The following SECISBP2 variants were observed in gnomAD, a reference collection of about 807,000 sequenced individuals.
The protein encoded by SECISBP2 is selenocysteine insertion sequence-binding protein 2.
In SECISBP2, 96 loss-of-function variants were observed where a neutral mutation model predicts 98.2. The ratio of observed to expected loss-of-function variants is 0.98; its 90% CI spans 0.83 to 1.16. SECISBP2 has a LOEUF of 1.16. Ranked by LOEUF, SECISBP2 falls within the 50% of genes most tolerant of loss-of-function variation. The pLI is 0.00. For synonymous variants in SECISBP2, 407 were observed against 370.2 expected (o/e 1.10, Z -1.14); for missense variants, 1,046 against 1,022.9 (o/e 1.02, Z -0.31).
At position 89,341,401 on chromosome 9, in the gene SECISBP2, G is replaced by C. The variant is rs756923892; in HGVS notation, c.1357G>C (p.Gly453Arg). 1.9e-6 allele frequency: 3 copies of C among 1,613,862 alleles called. No homozygotes were observed. Among genetic ancestry groups the C allele is most frequent in the African/African-American group, 1.3e-5 (1 of 74,884 alleles). The change falls in exon 10 of 17, where the codon GGG (glycine) becomes CGG (arginine). Residue 453 changes from glycine to arginine, a missense_variant. Coordinates refer to ENST00000375807, the MANE Select transcript of SECISBP2 (RefSeq NM_024077.5). ...KSQLPVQLDL[G>R]GMLTALEKKQ... ...CCAGCTTCCAGTGCAGTTGGACTTG[G>C]GGGGCATGCTGACAGCCCTGGAGAA...
At chr9:89,332,565 T>G (rs535717189) in intron 5 of SECISBP2, 4 of 339,546 alleles carry the variant, frequency 1.2e-5, no homozygotes, top group Non-Finnish European at 2.2e-5. Context: ...GTTGGAATCA[T>G]ATAGTATGTA....
downstream of SECISBP2, chr9:89,363,788 G>A (rs1833136259): frequency 6.2e-7 from 1 of 1,613,912 alleles, no homozygotes; most frequent in Non-Finnish European, 8.5e-7. Flanking sequence ...GTTCCCTGCT[G>A]AGGAGAGGAC....
At chr9:89,318,974 C>T (rs1230666035) in intron 1 of SECISBP2, 3 of 1,087,390 alleles carry the variant, frequency 2.8e-6, no homozygotes, top group Non-Finnish European at 3.3e-6. Flanking sequence ...TTTTTCTGAA[C>T]GTCATTCTCC....
intron 6 of SECISBP2, among the ~76,000 whole-genome samples, chr9:89,333,558 T>TA: frequency 6.6e-6 from 1 of 152,336 alleles, no homozygotes; most frequent in South Asian, 2.1e-4. Flanking sequence ...TCCTGCCTCA[T>TA]ACAGCATTTG....
intron 10 of SECISBP2, among the ~76,000 whole-genome samples, chr9:89,342,508 G>A (rs183645795): frequency 3.0e-4 from 45 of 152,232 alleles, no homozygotes; most frequent in African/African-American, 9.2e-4. Context: ...ATAACCAAAC[G>A]GTAGAAACAG....
chr9:89,344,675 G>T (rs1343184306), intron 10 of SECISBP2, among the ~76,000 whole-genome samples: 2 of 150,254 alleles, frequency 1.3e-5, no homozygotes, highest in African/African-American at 5.0e-5. Context: ...TTTCTTTGTT[G>T]TTTTTTTTAA....
intron 2 of SECISBP2, chr9:89,324,780 G>C (rs776849451): frequency 6.5e-6 from 1 of 152,690 alleles, no homozygotes; most frequent in Non-Finnish European, 1.5e-5. Flanking sequence ...TGGGAAAAAG[G>C]TTGAAACCTG....
downstream of SECISBP2, chr9:89,363,826 G>C: frequency 6.2e-7 from 1 of 1,614,138 alleles, no homozygotes; most frequent in East Asian, 2.2e-5. Context: ...CGCTTTCCCT[G>C]ATGGCGTCCT....
chr9:89,348,383 A>T (rs1174713715), intron 12 of SECISBP2, among the ~76,000 whole-genome samples, 169 bp downstream of exon 12: 1 of 152,010 alleles, frequency 6.6e-6, no homozygotes, highest in Non-Finnish European at 1.5e-5. Flanking sequence ...GTCCCCACAG[A>T]TGGGGGGAGT....
At chr9:89,364,138 G>A, downstream of SECISBP2, 6 of 1,240,404 alleles carry the variant, frequency 4.8e-6, no homozygotes, top group Non-Finnish European at 6.6e-6. Context: ...CCTTGGCCTT[G>A]GCCCGTCCTG....
chr9:89,358,821 A>T lies in SECISBP2; in HGVS notation c.2562A>T (p.Leu854Phe), dbSNP rs747283379. Residue 854 changes from leucine (L) to phenylalanine (F), a missense_variant, in exon 17 of 17, where the codon TTA becomes TTT. Physicochemically the swap from Leu to Phe is conservative, Grantham distance 22. Coordinates refer to ENST00000375807, the MANE Select transcript of SECISBP2 (RefSeq NM_024077.5). ...CCTCTCAAATGATGAATTTGAATTT[A>T]TGAGAGTTCTTGCCTGTGTGTCTGT... ...ASTSQMMNLN[L>F] 13 of 1,603,956 alleles carry T rather than the reference A, an allele frequency of 8.1e-6. No homozygotes were observed. Among genetic ancestry groups the T allele is most frequent in the Non-Finnish European group, 1.1e-5 (13 of 1,171,036 alleles).
At chr9:89,319,938 C>A in intron 2 of SECISBP2, 141 bp downstream of exon 2, 1 of 892,008 alleles carries the variant, frequency 1.1e-6, no homozygotes, top group South Asian at 1.4e-5. Context: ...GAGTCTGAGC[C>A]AGTAGCACAA....
chr9:89,328,031 C>T (rs1021868708), intron 4 of SECISBP2, among the ~76,000 whole-genome samples: 3 of 152,168 alleles, frequency 2.0e-5, no homozygotes, highest in African/African-American at 7.2e-5. Flanking sequence ...GTCTGGAACT[C>T]GTGGCTGCAT....
intron 14 of SECISBP2, among the ~76,000 whole-genome samples, chr9:89,353,433 C>A (rs549714258): frequency 2.0e-5 from 3 of 152,282 alleles, no homozygotes; most frequent in African/African-American, 7.2e-5. Flanking sequence ...ATGTGTGGTG[C>A]GTCATGTCCT....
At chr9:89,345,835 G>C (rs1228947359) in intron 10 of SECISBP2, among the ~76,000 whole-genome samples, 1 of 152,212 alleles carries the variant, frequency 6.6e-6, no homozygotes, top group Non-Finnish European at 1.5e-5. Context: ...CAGTCACATA[G>C]TCACATGTAT....
In SECISBP2 at chr9:89,358,743, G is replaced by A. The variant is rs974349124; in HGVS notation, c.2484G>A (p.Leu828=). 1.2e-6 allele frequency: 2 copies of A among 1,613,066 alleles called. No individual in the cohort carries two copies. Among genetic ancestry groups the A allele is most frequent in the Admixed American group, 1.7e-5 (1 of 59,990 alleles). ...TAGTTGAAATCTGGAAAAAACATCT[G>A]GAAGCATACAGTGGATGTACCCTGG... is the stretch of plus-strand genomic sequence containing the variant. ...PHYIEIWKKH[L]EAYSGCTLEL... The change falls in exon 17 of 17, where the codon CTG becomes CTA. Residue 828 remains leucine, a synonymous_variant. Coordinates refer to ENST00000375807, the MANE Select transcript of SECISBP2 (RefSeq NM_024077.5).
chr9:89,351,199 C>T (rs1392452127), intron 14 of SECISBP2, among the ~76,000 whole-genome samples: 1 of 152,198 alleles, frequency 6.6e-6, no homozygotes, highest in Non-Finnish European at 1.5e-5. Flanking sequence ...GCCTGGCAGC[C>T]AGGCAGTACC....
intron 2 of SECISBP2, among the ~76,000 whole-genome samples, chr9:89,321,072 A>T (rs1284781164): frequency 1.3e-5 from 2 of 152,236 alleles, no homozygotes; most frequent in African/African-American, 4.8e-5. Context: ...AAGTTGAAAC[A>T]CTACCTTTAT....
chr9:89,350,853 G>A lies in SECISBP2; in HGVS notation c.2113+1G>A, dbSNP rs768602040. On this transcript the variant is annotated splice_donor_variant, in intron 14 of 16. Transcript: ENST00000375807. LOFTEE classifies it high-confidence loss of function. ...AACTGTGAGAAGATACAGTCAAAAG[G>A]TAAAGGCACAGTGTGGTCCTGTGAT... The A allele has an allele frequency of 6.2e-7, 1 of 1,613,646 alleles. No homozygotes were observed. Among genetic ancestry groups the A allele is most frequent in the East Asian group, 2.2e-5 (1 of 44,886 alleles).
Sources: allele counts gnomAD v4.1 joint callset (sites outside exome capture counted in the v4.1 genomes callset), GRCh38; gene constraint gnomAD v4.1.1; transcripts MANE v1.5; gene names NCBI Gene and HGNC (gene_info 2026-07-23, HGNC 2026-07-21).